The following AGBL1 variants were observed in gnomAD, a reference collection of about 807,000 sequenced individuals.
The protein encoded by AGBL1 is cytosolic carboxypeptidase 4.
A neutral mutation model predicts 118.9 loss-of-function variants in AGBL1; 130 were observed. The ratio of observed to expected loss-of-function variants is 1.09; its 90% CI spans 0.95 to 1.26. The LOEUF (loss-of-function observed/expected upper bound fraction) is 1.26. Ranked by LOEUF, AGBL1 falls within the 50% of genes most tolerant of loss-of-function variation. The probability of loss-of-function intolerance (pLI) is 0.00; values close to 1 mark genes in which losing one functional copy is unlikely to be tolerated. For synonymous variants in AGBL1, 555 were observed against 478.9 expected, an observed-to-expected ratio of 1.16 and a Z score of -2.08; for missense variants, 1,584 against 1,298.1, an observed-to-expected ratio of 1.22 and a Z score of -3.38.
intron 6 of AGBL1, among the ~76,000 whole-genome samples, chr15:86,247,256 T>A (rs2078736315): frequency 6.6e-6 from 1 of 152,252 alleles, no homozygotes; most frequent in Non-Finnish European, 1.5e-5. Context: ...ACTTGTCATG[T>A]CTTTTTATTT....
At chr15:86,327,553 A>G (rs1597733980) in intron 17 of AGBL1, among the ~76,000 whole-genome samples, 2 of 152,230 alleles carry the variant, frequency 1.3e-5, no homozygotes, top group East Asian at 3.8e-4. Flanking sequence ...CTAAGAGACA[A>G]TAAATCTTAG....
At chr15:86,175,956 T>C (rs568033991) in intron 5 of AGBL1, among the ~76,000 whole-genome samples, 48 of 152,322 alleles carry the variant, frequency 3.2e-4, no homozygotes, top group Admixed American at 8.5e-4. Context: ...GGAATGTGTA[T>C]TCTGTAGCTG....
chr15:86,633,761 T>A (rs1596323614), intron 21 of AGBL1, among the ~76,000 whole-genome samples: 1 of 148,268 alleles, frequency 6.7e-6, no homozygotes, highest in African/African-American at 2.5e-5. Context: ...GTAATATGTA[T>A]AAATACAATA....
chr15:86,819,897 C>T (rs549507683), intron 22 of AGBL1, among the ~76,000 whole-genome samples: 1 of 152,222 alleles, frequency 6.6e-6, no homozygotes, highest in South Asian at 2.1e-4. Flanking sequence ...AACTATACTA[C>T]AAGGCTACGG....
In AGBL1 at chr15:86,912,859, G is replaced by A. The variant is rs1270508831; in HGVS notation, c.*5565G>A. ...CAGCTCCCCAAACTCTCTAGTCTTG[G>A]AAAGACATGCATAGTAGCCTGGTGC... On this transcript the variant is annotated 3_prime_UTR_variant, in exon 23 of 23. Coordinates refer to ENST00000614907, the MANE Select transcript of AGBL1 (RefSeq NM_001386094.1). 1 of 152,174 alleles carries A rather than the reference G, an allele frequency of 6.6e-6. No individual in the cohort carries two copies. The highest frequency in any genetic ancestry group is 6.5e-5 in the Admixed American group (1 of 15,274). 9.4% of individuals were successfully genotyped at this position (152,174 alleles called of 1,614,324 possible).
At chr15:86,681,089 A>G (rs1342868712) in intron 22 of AGBL1, among the ~76,000 whole-genome samples, 1 of 151,958 alleles carries the variant, frequency 6.6e-6, no homozygotes, top group Non-Finnish European at 1.5e-5. Flanking sequence ...CCACGTCTTC[A>G]TTTATCTTCC....
At chr15:86,947,262 T>C (rs1262602528) in intron 23 of AGBL1, among the ~76,000 whole-genome samples, 1 of 152,228 alleles carries the variant, frequency 6.6e-6, no homozygotes, top group Non-Finnish European at 1.5e-5. Context: ...TTTTGAATGA[T>C]ACCAGAATTG....
chr15:86,211,004 GT>G (rs1253159373), intron 5 of AGBL1, among the ~76,000 whole-genome samples: 1 of 152,184 alleles, frequency 6.6e-6, no homozygotes, highest in African/African-American at 2.4e-5. Flanking sequence ...GGGTTTTGGT[GT>G]GGATGTCCTT....
chr15:86,784,434 G>A (rs1045342066), intron 22 of AGBL1, among the ~76,000 whole-genome samples: 3 of 152,126 alleles, frequency 2.0e-5, no homozygotes, highest in African/African-American at 7.2e-5. Flanking sequence ...CTGGTTTTCG[G>A]ATTTTACTGT....
intron 22 of AGBL1, among the ~76,000 whole-genome samples, chr15:86,791,140 T>G (rs955534639): frequency 6.6e-6 from 1 of 152,198 alleles, no homozygotes; most frequent in Non-Finnish European, 1.5e-5. Context: ...TAAAATGATT[T>G]GCCACAGTGG....
intron 17 of AGBL1, chr15:86,296,419 G>C (rs1237252632): frequency 6.7e-6 from 1 of 148,904 alleles, no homozygotes; most frequent in East Asian, 1.9e-4. Flanking sequence ...CTTCCCTGAT[G>C]AAGACATAGC....
chr15:86,706,992 G>A (rs924801919), intron 22 of AGBL1, among the ~76,000 whole-genome samples: 1 of 151,950 alleles, frequency 6.6e-6, no homozygotes, highest in African/African-American at 2.4e-5. Context: ...AATAAGAGAT[G>A]GACTTTGCAT....
intron 23 of AGBL1, among the ~76,000 whole-genome samples, chr15:86,965,037 G>T (rs1407668213): frequency 6.6e-6 from 1 of 152,070 alleles, no homozygotes; most frequent in African/African-American, 2.4e-5. Context: ...ATCACTGTTG[G>T]GCATTTGGGT....
chr15:86,899,113 C>G (rs1489830716), intron 22 of AGBL1, among the ~76,000 whole-genome samples: 2 of 152,058 alleles, frequency 1.3e-5, no homozygotes, highest in African/African-American at 4.8e-5. Flanking sequence ...GCACGATACA[C>G]AATAGCAAAG....
intron 5 of AGBL1, among the ~76,000 whole-genome samples, chr15:86,208,949 A>T (rs560320794): frequency 1.3e-5 from 2 of 152,324 alleles, no homozygotes; most frequent in East Asian, 3.9e-4. Context: ...TCTTGTGGGC[A>T]TTTAGTGCTA....
chr15:86,813,203 T>TG (rs35447547), intron 22 of AGBL1, among the ~76,000 whole-genome samples: 103,339 of 151,216 alleles, frequency 0.68, 35,684 homozygotes, highest in Non-Finnish European at 0.74. Flanking sequence ...CTTTGAGGGT[T>TG]GGGGGGGCCT....
intron 23 of AGBL1, among the ~76,000 whole-genome samples, chr15:86,936,240 ATG>A (rs767265459): frequency 2.4e-3 from 315 of 134,028 alleles, no homozygotes; most frequent in African/African-American, 4.5e-3. Flanking sequence ...GTGTGTATGT[ATG>A]TGTGTGTGTG....
At chr15:86,285,553 TG>T (rs1285061730) in intron 16 of AGBL1, among the ~76,000 whole-genome samples, 1 of 152,156 alleles carries the variant, frequency 6.6e-6, no homozygotes, top group African/African-American at 2.4e-5. Context: ...GTGCCTTTGC[TG>T]TTCTTTCACC....
chr15:86,755,573 C>T (rs1361196918), intron 22 of AGBL1, among the ~76,000 whole-genome samples: 1 of 152,090 alleles, frequency 6.6e-6, no homozygotes, highest in East Asian at 1.9e-4. Flanking sequence ...AAGTCCCCCT[C>T]TTCCAAGGAT....
Sources: gnomAD v4.1 joint callset for allele counts (sites outside exome capture counted in the v4.1 genomes callset) on GRCh38, gnomAD v4.1.1 for gene constraint, MANE v1.5 for transcripts, NCBI Gene and HGNC (gene_info 2026-07-23, HGNC 2026-07-21) for gene names.